EPM2A: variants seen among roughly 807,000 people sequenced by gnomAD.
The protein encoded by EPM2A is EPM2A glucan phosphatase, laforin.
A neutral mutation model predicts 26.5 loss-of-function variants in EPM2A; 21 were observed. The observed-to-expected ratio is 0.79, with a 90% CI of 0.56 to 1.14. The LOEUF (loss-of-function observed/expected upper bound fraction) is 1.14. EPM2A is among the 50% of genes most tolerant of loss of function. EPM2A has a pLI of 0.00. For synonymous variants in EPM2A, 217 were observed against 177.6 expected, an observed-to-expected ratio of 1.22 and a Z score of -1.76; for missense variants, 458 against 440.8, an observed-to-expected ratio of 1.04 and a Z score of -0.35.
chr6:145,653,652 A>T (rs893388937), intron 2 of EPM2A, among the ~76,000 whole-genome samples: 9 of 152,112 alleles, frequency 5.9e-5, no homozygotes, highest in African/African-American at 2.2e-4. Context: ...CAAGTCCAAA[A>T]CCTGCAGGGT....
chr6:145,459,699 C>CATACTATACT (rs59239067), intron 4 of EPM2A, among the ~76,000 whole-genome samples: 4 of 151,206 alleles, frequency 2.6e-5, no homozygotes, highest in African/African-American at 9.7e-5. Context: ...CTTCTTTTAG[C>CATACTATACT]ATACTATACT....
At chr6:145,401,269 T>C (rs900355387) in intron 4 of EPM2A, among the ~76,000 whole-genome samples, 1 of 152,148 alleles carries the variant, frequency 6.6e-6, no homozygotes, top group African/African-American at 2.4e-5. Flanking sequence ...ATTTGTCATA[T>C]GCATATTTGT....
At chr6:145,436,992 T>C (rs1778997400) in intron 4 of EPM2A, among the ~76,000 whole-genome samples, 1 of 152,222 alleles carries the variant, frequency 6.6e-6, no homozygotes, top group Non-Finnish European at 1.5e-5. Flanking sequence ...TTTTCAGACA[T>C]ATTTAAAATA....
At chr6:145,598,918 G>T (rs1181944641) in intron 2 of EPM2A, among the ~76,000 whole-genome samples, 1 of 152,092 alleles carries the variant, frequency 6.6e-6, no homozygotes, top group African/African-American at 2.4e-5. Flanking sequence ...AAAGTTGTAG[G>T]TGTGCAGCCT....
intron 1 of EPM2A, among the ~76,000 whole-genome samples, chr6:145,732,891 T>C (rs757710765): frequency 3.3e-5 from 5 of 152,170 alleles, no homozygotes; most frequent in African/African-American, 1.2e-4. Flanking sequence ...CAAAATACAG[T>C]TCATTTATTA....
At chr6:145,565,031 C>T (rs1395471898) in intron 2 of EPM2A, among the ~76,000 whole-genome samples, 1 of 152,176 alleles carries the variant, frequency 6.6e-6, no homozygotes, top group Non-Finnish European at 1.5e-5. Flanking sequence ...AGCACCAAAC[C>T]TGTACAGCTC....
intron 2 of EPM2A, among the ~76,000 whole-genome samples, chr6:145,582,364 G>A (rs149038130): frequency 4.6e-5 from 7 of 152,142 alleles, no homozygotes; most frequent in African/African-American, 1.7e-4. Context: ...TAATTATGTG[G>A]CCAATTTTAG....
intron 1 of EPM2A, among the ~76,000 whole-genome samples, chr6:145,691,600 G>A (rs1177157666): frequency 1.3e-5 from 2 of 152,060 alleles, no homozygotes; most frequent in African/African-American, 4.8e-5. Flanking sequence ...CTACATGTAT[G>A]TAAAGGAAAT....
chr6:145,700,175 T>G (rs984743805), intron 1 of EPM2A, among the ~76,000 whole-genome samples: 1 of 152,178 alleles, frequency 6.6e-6, no homozygotes, highest in Non-Finnish European at 1.5e-5. Context: ...ATGTGCCATC[T>G]CTGTATTATT....
chr6:145,691,089 C>G (rs1781251955), intron 1 of EPM2A, among the ~76,000 whole-genome samples: 1 of 151,604 alleles, frequency 6.6e-6, no homozygotes. Flanking sequence ...CTTAAAAGTA[C>G]TTAAGAAAAT....
intron 4 of EPM2A, among the ~76,000 whole-genome samples, chr6:145,468,590 T>A (rs1779430305): frequency 2.0e-5 from 3 of 151,860 alleles, no homozygotes; most frequent in Non-Finnish European, 4.4e-5. Flanking sequence ...TGCAGAAGAA[T>A]AAAACTAGAC....
chr6:145,719,320 T>C (rs1775820158), intron 1 of EPM2A, among the ~76,000 whole-genome samples: 1 of 149,742 alleles, frequency 6.7e-6, no homozygotes, highest in African/African-American at 2.5e-5. Context: ...ATGTCCTTTG[T>C]AGGGACATGG....
chr6:145,524,391 A>G (rs548685451), intron 2 of EPM2A, among the ~76,000 whole-genome samples: 1 of 152,336 alleles, frequency 6.6e-6, no homozygotes, highest in Non-Finnish European at 1.5e-5. Context: ...ACGAATTTAC[A>G]TTCCCACCAA....
intron 4 of EPM2A, among the ~76,000 whole-genome samples, chr6:145,438,656 T>C (rs1216088354): frequency 2.6e-5 from 4 of 151,956 alleles, no homozygotes; most frequent in Non-Finnish European, 5.9e-5. Context: ...GTATTTTTAG[T>C]AGAGACGGGG....
chr6:145,686,672 G>A (rs1360902876), intron 1 of EPM2A, among the ~76,000 whole-genome samples: 1 of 151,970 alleles, frequency 6.6e-6, no homozygotes, highest in Non-Finnish European at 1.5e-5. Context: ...CTATCTTTCT[G>A]GTATGCAAAT....
intron 2 of EPM2A, among the ~76,000 whole-genome samples, chr6:145,531,712 A>C (rs1780357720): frequency 2.0e-5 from 3 of 152,178 alleles, no homozygotes; most frequent in Admixed American, 2.0e-4. Flanking sequence ...CAGGACCTAC[A>C]GCCCTGGATG....
intron 2 of EPM2A, among the ~76,000 whole-genome samples, chr6:145,525,816 T>A (rs1304124441): frequency 6.6e-6 from 1 of 152,134 alleles, no homozygotes; most frequent in Non-Finnish European, 1.5e-5. Context: ...TGGCTATGAC[T>A]TCTAATACTA....
At chr6:145,536,887 G>A (rs775917261) in intron 2 of EPM2A, among the ~76,000 whole-genome samples, 1 of 152,186 alleles carries the variant, frequency 6.6e-6, no homozygotes, top group Non-Finnish European at 1.5e-5. Flanking sequence ...ACAGAGGAGT[G>A]GGAAAGCTTT....
At chr6:145,575,063 G>A (rs1763333329) in intron 2 of EPM2A, among the ~76,000 whole-genome samples, 1 of 152,066 alleles carries the variant, frequency 6.6e-6, no homozygotes, top group Non-Finnish European at 1.5e-5. Flanking sequence ...TGTTGGGGGT[G>A]GCTCCTGAAG....
Sources: gnomAD v4.1 joint callset for allele counts (sites outside exome capture counted in the v4.1 genomes callset) on GRCh38, gnomAD v4.1.1 for gene constraint, MANE v1.5 for transcripts, NCBI Gene and HGNC (gene_info 2026-07-23, HGNC 2026-07-21) for gene names.